The following CSMD1 variants were observed in gnomAD, a reference collection of about 807,000 sequenced individuals.
CSMD1 encodes the protein CUB and Sushi multiple domains 1, also known as CUB and sushi domain-containing protein 1.
In CSMD1, 213 loss-of-function variants were observed where a neutral mutation model predicts 417.5. That is an observed-to-expected ratio of 0.51 (90% CI 0.46 to 0.57). The LOEUF is 0.57. Ranked by LOEUF, CSMD1 falls within the 20% of genes least tolerant of loss-of-function variation. The pLI, the probability that CSMD1 is intolerant of heterozygous loss-of-function variation, is 0.00. For synonymous variants in CSMD1, 2,862 were observed against 1,736.8 expected (o/e 1.65, Z -16.11); for missense variants, 6,923 against 4,529.7 (o/e 1.53, Z -15.17).
intron 1 of CSMD1, among the ~76,000 whole-genome samples, chr8:4,710,416 A>C (rs970397067): frequency 2.7e-5 from 4 of 147,916 alleles, no homozygotes; most frequent in African/African-American, 7.3e-5. Flanking sequence ...AAATTTATAA[A>C]TATATTTAAT....
At position 3,010,474 on chromosome 8, in the gene CSMD1, C is replaced by T. The variant is rs564221416; in HGVS notation, c.8029+8003G>A. ...ATCAGTCCAGGCTCTTATGACCAGGCGGCCGTCGAGAGTTCGACCCCAGCA... is the reference window on the plus strand; with the variant it reads ...ATCAGTCCAGGCTCTTATGACCAGGTGGCCGTCGAGAGTTCGACCCCAGCA... On this transcript the variant is annotated intron_variant, in intron 52 of 69. Coordinates refer to ENST00000635120, the MANE Select transcript of CSMD1 (RefSeq NM_033225.6). Among the ~76,000 whole-genome samples the T allele has an allele frequency of 5.9e-5, 9 of 152,232 alleles. No individual in the cohort carries two copies. In the South Asian group the frequency reaches 1.5e-3, roughly 25 times the overall value.
In CSMD1 at chr8:3,006,908, A is replaced by C. The variant is rs543120557; in HGVS notation, c.8030-6777T>G. ...ACACCAAAAGCAATGGCAACAAAAG[A>C]CAAAATTGACAAATGGGATCTAATT... is the stretch of plus-strand genomic sequence containing the variant. On this transcript the variant is annotated intron_variant, in intron 52 of 69. Coordinates refer to ENST00000635120, the MANE Select transcript of CSMD1 (RefSeq NM_033225.6). 4.5e-3 allele frequency among the ~76,000 whole-genome samples: 612 copies of C among 137,050 alleles called. 8 individuals are homozygous for C. The highest frequency in any genetic ancestry group is 0.016 in the South Asian group (75 of 4,628). The allele number at this position is 137,050 out of a possible 152,430, so 89.9% of individuals were successfully genotyped here.
chr8:3,748,395 A>C (rs1462859275), intron 6 of CSMD1, among the ~76,000 whole-genome samples: 1 of 152,186 alleles, frequency 6.6e-6, no homozygotes, highest in Non-Finnish European at 1.5e-5. Context: ...AGGGAGGTCC[A>C]CTGCCATGGA....
chr8:3,457,819 G>A (rs920953086), intron 12 of CSMD1, among the ~76,000 whole-genome samples: 1 of 152,172 alleles, frequency 6.6e-6, no homozygotes. Flanking sequence ...GGTCCTTGTT[G>A]TATCCGATGC....
intron 4 of CSMD1, among the ~76,000 whole-genome samples, chr8:4,000,954 A>C (rs576456278): frequency 1.3e-5 from 2 of 152,090 alleles, no homozygotes; most frequent in Non-Finnish European, 2.9e-5. Flanking sequence ...TTAATGACAT[A>C]TTAATTGAAA....
chr8:4,124,342 AC>A (rs1471217227), intron 3 of CSMD1, among the ~76,000 whole-genome samples: 2 of 152,154 alleles, frequency 1.3e-5, no homozygotes, highest in African/African-American at 2.4e-5. Context: ...TAAATGAGAA[AC>A]TTTTCTTTAC....
chr8:4,822,222 G>C (rs1177996496), intron 1 of CSMD1, among the ~76,000 whole-genome samples: 1 of 152,088 alleles, frequency 6.6e-6, no homozygotes, highest in Non-Finnish European at 1.5e-5. Flanking sequence ...GTGGGGGTTT[G>C]CAACTTACTT....
At chr8:3,987,652 A>G (rs1054554906) in intron 5 of CSMD1, among the ~76,000 whole-genome samples, 2 of 152,218 alleles carry the variant, frequency 1.3e-5, no homozygotes, top group Non-Finnish European at 2.9e-5. Flanking sequence ...CTGATAAAGC[A>G]GAAGAGACAG....
intron 3 of CSMD1, among the ~76,000 whole-genome samples, chr8:4,356,539 T>A (rs17070035): frequency 0.084 from 12,743 of 152,242 alleles, 808 homozygotes; most frequent in African/African-American, 0.18. Context: ...AGTCTTAGAG[T>A]ATTTTAAATA....
At chr8:3,936,433 C>G (rs1288780141) in intron 5 of CSMD1, among the ~76,000 whole-genome samples, 2 of 152,158 alleles carry the variant, frequency 1.3e-5, no homozygotes, top group Admixed American at 1.3e-4. Flanking sequence ...GGCTGACTCT[C>G]TTCTTAGGGG....
chr8:2,990,185 C>A (rs561264411), intron 54 of CSMD1, among the ~76,000 whole-genome samples: 1 of 152,220 alleles, frequency 6.6e-6, no homozygotes, highest in Non-Finnish European at 1.5e-5. Flanking sequence ...GCTGTTGAAT[C>A]TTTCCTTAAG....
At chr8:3,893,363 TA>T (rs966816038) in intron 5 of CSMD1, among the ~76,000 whole-genome samples, 4 of 28,812 alleles carry the variant, frequency 1.4e-4, no homozygotes, top group East Asian at 1.0e-3. Flanking sequence ...ATATATATAT[TA>T]TTTTTTTTCT....
chr8:4,582,969 C>T (rs1436374243), intron 2 of CSMD1, among the ~76,000 whole-genome samples: 1 of 152,204 alleles, frequency 6.6e-6, no homozygotes, highest in Admixed American at 6.5e-5. Flanking sequence ...ACATAGCACC[C>T]GGGCCAGTGG....
intron 3 of CSMD1, among the ~76,000 whole-genome samples, chr8:4,064,909 T>C (rs557556473): frequency 8.1e-5 from 12 of 148,934 alleles, no homozygotes; most frequent in South Asian, 2.2e-4. Flanking sequence ...GTCAATTCCA[T>C]TGAGAATAGG....
chr8:4,391,790 G>T (rs572790195), intron 3 of CSMD1, among the ~76,000 whole-genome samples: 1 of 152,040 alleles, frequency 6.6e-6, no homozygotes, highest in Non-Finnish European at 1.5e-5. Flanking sequence ...GAGTTTGAGC[G>T]GCTGCTAAGC....
chr8:3,757,301 G>A (rs1381353752), intron 5 of CSMD1, among the ~76,000 whole-genome samples: 4 of 152,118 alleles, frequency 2.6e-5, no homozygotes, highest in Non-Finnish European at 5.9e-5. Context: ...AGGCTTTATG[G>A]GTCACATGGT....
rs540728225 is a variant in CSMD1, at chr8:3,614,213, C to G, written c.1097+2497G>C. Among the ~76,000 whole-genome samples the G allele has an allele frequency of 5.9e-5, 9 of 152,132 alleles. No homozygotes were observed. In the East Asian group the frequency reaches 1.4e-3, roughly 23 times the overall value. ...TGCTACAAACATAGAGACATATAAACAACATAGTGATTTCCCAAAAAACTA... is the reference window on the plus strand; with the variant it reads ...TGCTACAAACATAGAGACATATAAAGAACATAGTGATTTCCCAAAAAACTA... On this transcript the variant is annotated intron_variant, in intron 8 of 69. Transcript: ENST00000635120.
chr8:3,599,265 C>A (rs1432645538), intron 8 of CSMD1, among the ~76,000 whole-genome samples: 1 of 151,820 alleles, frequency 6.6e-6, no homozygotes, highest in African/African-American at 2.4e-5. Flanking sequence ...ATGAATGTAT[C>A]CACCTCCTCA....
intron 5 of CSMD1, among the ~76,000 whole-genome samples, chr8:3,838,966 AT>A (rs1331845063): frequency 1.0e-5 from 1 of 99,774 alleles, no homozygotes; most frequent in Non-Finnish European, 1.8e-5. Flanking sequence ...ATAAATTAAT[AT>A]TATATATAAT....
Sources: allele counts gnomAD v4.1 joint callset (sites outside exome capture counted in the v4.1 genomes callset), GRCh38; gene constraint gnomAD v4.1.1; transcripts MANE v1.5; gene names NCBI Gene and HGNC (gene_info 2026-07-23, HGNC 2026-07-21).